Variants in ACTR3C observed in about 807,000 individuals in gnomAD.
ACTR3C encodes the protein actin-related protein 3C.
In ACTR3C, 18 loss-of-function variants were observed where a neutral mutation model predicts 26.3. That is an observed-to-expected ratio of 0.68 (90% CI 0.47 to 1.01). ACTR3C has a LOEUF of 1.01. Among genes scored for constraint, ACTR3C ranks in the 50% least tolerant of loss-of-function variants. The pLI is 0.00. For synonymous variants in ACTR3C, 55 were observed against 94.5 expected (o/e 0.58, Z 2.42); for missense variants, 184 against 250.7 (o/e 0.73, Z 1.80).
the ACTR3C span, among the ~76,000 whole-genome samples, chr7:149,937,729 G>A: frequency 6.6e-6 from 1 of 152,172 alleles, no homozygotes; most frequent in Admixed American, 6.5e-5. Flanking sequence ...GCAGGAGCTC[G>A]GGGATGGGAG....
intron 1 of ACTR3C, 144 bp from the exon 2 acceptor site, chr7:150,295,491 A>G (rs1216308722): frequency 8.9e-6 from 9 of 1,008,232 alleles, no homozygotes; most frequent in South Asian, 2.9e-5. Flanking sequence ...CCCAAAGTGT[A>G]TTAAAGAAAT....
chr7:150,023,677 G>A, the ACTR3C span, among the ~76,000 whole-genome samples: 1 of 149,772 alleles, frequency 6.7e-6, no homozygotes, highest in East Asian at 2.0e-4. Flanking sequence ...AGAAATGAAA[G>A]GTTTTATTCT....
chr7:150,073,879 G>T, the ACTR3C span: 1 of 152,168 alleles, frequency 6.6e-6, no homozygotes, highest in Non-Finnish European at 1.5e-5. Context: ...TTTATAATAA[G>T]CTTTGTTATT....
At chr7:149,985,991 A>G in the ACTR3C span, among the ~76,000 whole-genome samples, 2 of 151,252 alleles carry the variant, frequency 1.3e-5, no homozygotes, top group Admixed American at 6.6e-5. Flanking sequence ...GCCCACATTA[A>G]CCTCTTGCTT....
At chr7:150,319,143 C>T (rs574648820) in intron 1 of ACTR3C, among the ~76,000 whole-genome samples, 9 of 152,126 alleles carry the variant, frequency 5.9e-5, no homozygotes, top group South Asian at 2.1e-4. Flanking sequence ...GGAAAATCCC[C>T]GGTTCCAAGT....
chr7:150,214,647 GAT>G, the ACTR3C span, among the ~76,000 whole-genome samples: 4 of 152,200 alleles, frequency 2.6e-5, no homozygotes, highest in Admixed American at 1.3e-4. Context: ...AGTTTGACAA[GAT>G]AATGGCCACC....
chr7:150,003,802 G>GT, the ACTR3C span, among the ~76,000 whole-genome samples: 2 of 152,184 alleles, frequency 1.3e-5, no homozygotes, highest in African/African-American at 4.8e-5. Context: ...TGTGTGTGGT[G>GT]TTTGTGTTTG....
At chr7:150,096,004 G>T in the ACTR3C span, among the ~76,000 whole-genome samples, 1 of 148,048 alleles carries the variant, frequency 6.8e-6, no homozygotes, top group Non-Finnish European at 1.5e-5. Context: ...AATCTTTGCA[G>T]CTTCAAACCG....
the ACTR3C span, among the ~76,000 whole-genome samples, chr7:150,171,397 C>T: frequency 7.3e-6 from 1 of 136,332 alleles, no homozygotes; most frequent in African/African-American, 2.8e-5. Flanking sequence ...ACAAAAAATG[C>T]AATCAAAGAA....
intron 1 of ACTR3C, among the ~76,000 whole-genome samples, chr7:150,310,317 C>T (rs1270212873): frequency 6.6e-6 from 1 of 152,100 alleles, no homozygotes; most frequent in Admixed American, 6.5e-5. Flanking sequence ...ACCTAATCAC[C>T]CTTACCCTGC....
chr7:150,219,006 T>G, the ACTR3C span, among the ~76,000 whole-genome samples: 1 of 152,172 alleles, frequency 6.6e-6, no homozygotes, highest in South Asian at 2.1e-4. Context: ...CTGATTCAAA[T>G]ATTTCATCAT....
At chr7:149,992,381 A>G in the ACTR3C span, among the ~76,000 whole-genome samples, 2 of 152,202 alleles carry the variant, frequency 1.3e-5, no homozygotes, top group African/African-American at 2.4e-5. Flanking sequence ...CGACTTTGAC[A>G]GAGTGTTGAA....
chr7:150,094,290 T>G, the ACTR3C span, among the ~76,000 whole-genome samples: 1 of 149,702 alleles, frequency 6.7e-6, no homozygotes, highest in Non-Finnish European at 1.5e-5. Flanking sequence ...TATTTCTGCC[T>G]CTGGACACTT....
At chr7:150,286,308 T>C in intron 5 of ACTR3C, 59 bp downstream of exon 5, 1 of 1,567,630 alleles carries the variant, frequency 6.4e-7, no homozygotes, top group Non-Finnish European at 8.6e-7. Flanking sequence ...CTTTCTACAC[T>C]CTGGGTGGCA....
At chr7:150,127,042 C>T in the ACTR3C span, among the ~76,000 whole-genome samples, 1 of 152,186 alleles carries the variant, frequency 6.6e-6, no homozygotes, top group Non-Finnish European at 1.5e-5. Context: ...AGTCCACACT[C>T]TGTTCTGAAC....
the ACTR3C span, among the ~76,000 whole-genome samples, chr7:149,895,172 T>C: frequency 1.3e-5 from 2 of 152,104 alleles, no homozygotes; most frequent in South Asian, 4.1e-4. Flanking sequence ...GTCTCATTCA[T>C]ATGCAGGATC....
chr7:150,199,736 A>AAAC, the ACTR3C span, among the ~76,000 whole-genome samples: 1 of 143,410 alleles, frequency 7.0e-6, no homozygotes, highest in African/African-American at 2.6e-5. Flanking sequence ...AAAAAAAAAA[A>AAAC]AAAAAAAAAA....
the ACTR3C span, among the ~76,000 whole-genome samples, chr7:149,906,045 A>G: frequency 6.6e-6 from 1 of 152,228 alleles, no homozygotes; most frequent in Admixed American, 6.5e-5. Flanking sequence ...ATCGTTGTAT[A>G]TTCGCGTTAG....
the ACTR3C span, among the ~76,000 whole-genome samples, chr7:150,063,952 G>A: frequency 2.6e-5 from 4 of 151,766 alleles, no homozygotes; most frequent in South Asian, 4.2e-4. Context: ...CTACCAAAGC[G>A]GCAGTTTTGC....
Sources: allele counts gnomAD v4.1 joint callset (sites outside exome capture counted in the v4.1 genomes callset), GRCh38; gene constraint gnomAD v4.1.1; transcripts MANE v1.5; gene names NCBI Gene and HGNC (gene_info 2026-07-23, HGNC 2026-07-21).